Variants in STIM2 observed in about 807,000 individuals in gnomAD.
STIM2 encodes stromal interaction molecule 2.
Under a neutral mutation model 85.8 loss-of-function variants are expected in STIM2, and 31 were observed. That is an observed-to-expected ratio of 0.36 (90% CI 0.27 to 0.49). The LOEUF (loss-of-function observed/expected upper bound fraction) is 0.49, where lower values mean the gene tolerates loss of function less well. STIM2 is among the 20% of genes least tolerant of loss of function. The pLI, the probability that STIM2 is intolerant of heterozygous loss-of-function variation, is 0.98. For missense variants in STIM2, 841 were observed against 927.6 expected (o/e 0.91, Z 1.21); for synonymous variants, 356 against 331.1 (o/e 1.08, Z -0.82).
At chr4:26,872,825 TTAGG>T (rs1166170940) in intron 1 of STIM2, among the ~76,000 whole-genome samples, 3 of 152,168 alleles carry the variant, frequency 2.0e-5, no homozygotes, top group Non-Finnish European at 4.4e-5. Context: ...ACTTTTTAAT[TTAGG>T]TAGGCTAGTT....
At chr4:26,987,002 A>C (rs1560230827) in intron 3 of STIM2, among the ~76,000 whole-genome samples, 1 of 152,358 alleles carries the variant, frequency 6.6e-6, no homozygotes, top group East Asian at 1.9e-4. Context: ...TTTTGTAGAA[A>C]TAGTTAAGCA....
rs1722144882 is a variant in STIM2 at position 26,860,941 on chromosome 4, T to A, written c.-278T>A. The A allele has an allele frequency of 3.5e-6, 4 of 1,155,348 alleles. No individual in the cohort carries two copies. Among genetic ancestry groups the A allele is most frequent in the South Asian group, 1.6e-5 (1 of 60,944 alleles). 71.6% of individuals were successfully genotyped at this position (1,155,348 alleles called of 1,614,324 possible). A position where few individuals can be genotyped will look rare whatever the true frequency, so the allele number is the denominator to read the frequency against. ...CCCCCCACCTTTTTTTTTTTTTTTT[T>A]TAAATAACCGGAACCAATGAACGCA... On this transcript the variant is annotated 5_prime_UTR_variant, in exon 1 of 12. Transcript: ENST00000467087.
At chr4:26,978,889 A>T in intron 3 of STIM2, among the ~76,000 whole-genome samples, 1 of 152,168 alleles carries the variant, frequency 6.6e-6, no homozygotes, top group East Asian at 1.9e-4. Context: ...GTCTGGCAGC[A>T]TGGGTCATGT....
intron 1 of STIM2, among the ~76,000 whole-genome samples, chr4:26,912,973 C>T (rs988050596): frequency 2.4e-4 from 37 of 152,104 alleles, no homozygotes; most frequent in African/African-American, 8.9e-4. Context: ...ACAACACCCC[C>T]GCCATTGACC....
intron 3 of STIM2, among the ~76,000 whole-genome samples, chr4:26,979,374 G>T (rs1727302244): frequency 6.6e-6 from 1 of 152,156 alleles, no homozygotes; most frequent in Non-Finnish European, 1.5e-5. Context: ...TGAGTAGATG[G>T]TTCTTCATGA....
intron 10 of STIM2, 146 bp downstream of exon 10, chr4:27,009,148 A>C: frequency 1.6e-6 from 1 of 636,290 alleles, no homozygotes; most frequent in South Asian, 2.2e-5. Flanking sequence ...AGTAATTTAA[A>C]TATTTACTAT....
Position 27,003,082 on chromosome 4 carries a change from A to G in STIM2, c.959A>G (p.Tyr320Cys). ...GAATGTGAATTGAGTAGACGTCAGTATGCAGAACAGGAATTGGAACAGGTA... is the reference window on the plus strand; with the variant it reads ...GAATGTGAATTGAGTAGACGTCAGTGTGCAGAACAGGAATTGGAACAGGTA... The change falls in exon 7 of 12, where the codon TAT becomes TGT. Residue 320 changes from tyrosine to cysteine, a missense_variant. Physicochemically the swap from Tyr to Cys is radical, Grantham distance 194. Coordinates refer to ENST00000467087, the MANE Select transcript of STIM2 (RefSeq NM_020860.4). 6.3e-7 allele frequency: 1 copy of G among 1,585,076 alleles called. No individual in the cohort carries two copies. Among genetic ancestry groups the G allele is most frequent in the Non-Finnish European group, 8.5e-7 (1 of 1,169,750 alleles).
chr4:26,982,785 A>G (rs1329566392), intron 3 of STIM2, among the ~76,000 whole-genome samples: 2 of 152,040 alleles, frequency 1.3e-5, no homozygotes, highest in Non-Finnish European at 2.9e-5. Flanking sequence ...CTTTTTTTTT[A>G]TACTGAAAAT....
At chr4:27,015,021 C>T (rs1028588951) in intron 10 of STIM2, among the ~76,000 whole-genome samples, 3 of 151,792 alleles carry the variant, frequency 2.0e-5, no homozygotes, top group African/African-American at 2.4e-5. Context: ...ATCTTTTTCA[C>T]GTTCTTCAAA....
At chr4:26,994,081 T>C (rs1313914191) in intron 3 of STIM2, among the ~76,000 whole-genome samples, 1 of 152,106 alleles carries the variant, frequency 6.6e-6, no homozygotes, top group Non-Finnish European at 1.5e-5. Context: ...TCTTTTCTGG[T>C]TGATGTCATT....
intron 2 of STIM2, among the ~76,000 whole-genome samples, chr4:26,928,893 A>G (rs1035646928): frequency 6.6e-6 from 1 of 152,190 alleles, no homozygotes; most frequent in East Asian, 1.9e-4. Flanking sequence ...ATATTTAAAA[A>G]CAGAAGATGA....
intron 2 of STIM2, among the ~76,000 whole-genome samples, chr4:26,940,919 T>C (rs1725588068): frequency 6.6e-6 from 1 of 152,130 alleles, no homozygotes. Flanking sequence ...ACCCAAGAAT[T>C]TGCATTTCTA....
rs969127005 is a variant in STIM2, at chr4:26,864,740, G to A, written c.151+3371G>A. Among the ~76,000 whole-genome samples, 3 of 152,022 alleles carry A rather than the reference G, an allele frequency of 2.0e-5. No homozygotes were observed. The East Asian group carries it at 5.8e-4, about 29-fold the overall frequency. Reference sequence around the variant, plus strand: ...TTGGAAGTATTAAAATCTCAATTAAGATTTAATATATTCTTAGTTCAACAT... The same window carrying A: ...TTGGAAGTATTAAAATCTCAATTAAAATTTAATATATTCTTAGTTCAACAT... On this transcript the variant is annotated intron_variant, in intron 1 of 11. Coordinates refer to ENST00000467087, the MANE Select transcript of STIM2 (RefSeq NM_020860.4).
At chr4:26,934,701 G>A (rs1320126712) in intron 2 of STIM2, among the ~76,000 whole-genome samples, 1 of 152,044 alleles carries the variant, frequency 6.6e-6, no homozygotes, top group Non-Finnish European at 1.5e-5. Flanking sequence ...ATCTCCTGAG[G>A]TCAGGAGTTT....
chr4:26,923,035 G>T (rs998535692), intron 2 of STIM2, among the ~76,000 whole-genome samples: 1 of 151,692 alleles, frequency 6.6e-6, no homozygotes, highest in African/African-American at 2.4e-5. Flanking sequence ...ATCTGAGAAC[G>T]GGCAGACTGC....
At chr4:26,987,010 G>A (rs1425179223) in intron 3 of STIM2, among the ~76,000 whole-genome samples, 1 of 152,186 alleles carries the variant, frequency 6.6e-6, no homozygotes, top group African/African-American at 2.4e-5. Flanking sequence ...AAATAGTTAA[G>A]CAGTATAGAA....
At chr4:26,892,508 T>A (rs781148489) in intron 1 of STIM2, among the ~76,000 whole-genome samples, 1 of 152,162 alleles carries the variant, frequency 6.6e-6, no homozygotes, top group South Asian at 2.1e-4. Flanking sequence ...GGAGTTAGGA[T>A]TTTAACATAT....
chr4:27,007,463 T>C (rs1728406810), intron 7 of STIM2, 70 bp from the exon 8 acceptor site: 2 of 1,102,720 alleles, frequency 1.8e-6, no homozygotes, highest in Non-Finnish European at 1.2e-6. Flanking sequence ...TTAGTTTGGG[T>C]TCTAAAAAAT....
chr4:27,006,768 C>G (rs974144164), intron 7 of STIM2, among the ~76,000 whole-genome samples: 2 of 152,190 alleles, frequency 1.3e-5, no homozygotes, highest in African/African-American at 4.8e-5. Context: ...CATCGTTATA[C>G]TGAAGACTAT....
Sources: gnomAD v4.1 joint callset for allele counts (sites outside exome capture counted in the v4.1 genomes callset) on GRCh38, gnomAD v4.1.1 for gene constraint, MANE v1.5 for transcripts, NCBI Gene and HGNC (gene_info 2026-07-23, HGNC 2026-07-21) for gene names.